The following EPHB2 variants were observed in gnomAD, a reference collection of about 807,000 sequenced individuals.
EPHB2 encodes the protein ephrin type-B receptor 2.
A neutral mutation model predicts 96.4 loss-of-function variants in EPHB2; 18 were observed. The ratio of observed to expected loss-of-function variants is 0.19; its 90% CI spans 0.13 to 0.28. The LOEUF (loss-of-function observed/expected upper bound fraction) is 0.28, where lower values mean the gene tolerates loss of function less well. Among genes scored for constraint, EPHB2 ranks in the 10% least tolerant of loss-of-function variants. The pLI is 1.00. For missense variants in EPHB2, 989 were observed against 1,355.4 expected, an observed-to-expected ratio of 0.73 and a Z score of 4.25; for synonymous variants, 506 against 534.1, an observed-to-expected ratio of 0.95 and a Z score of 0.72.
chr1:22,889,728 G>A (rs963934866), intron 6 of EPHB2, among the ~76,000 whole-genome samples: 63 of 152,162 alleles, frequency 4.1e-4, no homozygotes, highest in African/African-American at 1.5e-3. Context: ...CAAGACAAGT[G>A]AGGAAAGGGT....
At chr1:22,725,297 C>T (rs1643557460) in intron 1 of EPHB2, among the ~76,000 whole-genome samples, 1 of 151,734 alleles carries the variant, frequency 6.6e-6, no homozygotes, top group Admixed American at 6.6e-5. Flanking sequence ...GAATGACGGG[C>T]AGGTTGATGG....
Position 22,875,315 on chromosome 1 carries a change from G to A in EPHB2, c.1304-7044G>A, listed in dbSNP as rs1002725309. ...ATGAGCTGGGAATTCTAAGAGTCCCGTCCCAAGTAAACTGTCCCTGCTACA... is the reference window on the plus strand; with the variant it reads ...ATGAGCTGGGAATTCTAAGAGTCCCATCCCAAGTAAACTGTCCCTGCTACA... On this transcript the variant is annotated intron_variant, in intron 5 of 15. Transcript: ENST00000374630. The surrounding 1 kb of genome is among the most constrained non-coding windows in gnomAD (Gnocchi z 4.2). Among the ~76,000 whole-genome samples the A allele has an allele frequency of 1.3e-5, 2 of 152,266 alleles. No homozygotes were observed. The highest frequency in any genetic ancestry group is 1.9e-4 in the East Asian group (1 of 5,178).
At chr1:22,867,065 T>C (rs1016926266) in intron 5 of EPHB2, among the ~76,000 whole-genome samples, 3 of 152,172 alleles carry the variant, frequency 2.0e-5, no homozygotes, top group African/African-American at 7.2e-5. Flanking sequence ...CAGATGATGC[T>C]CAGACAAGTT....
intron 3 of EPHB2, among the ~76,000 whole-genome samples, chr1:22,821,009 C>T (rs1645145003): frequency 6.6e-6 from 1 of 152,114 alleles, no homozygotes. Context: ...TTTATTCTTC[C>T]CTCAAGTAAA....
Position 22,906,506 on chromosome 1 carries a change from G to A in EPHB2, c.1889-204G>A, listed in dbSNP as rs980154378. ...AGGGATAACCAGAGAACAACCATGAGGAATTTACTGTCCTCTCCCAGAGGT... is the reference window on the plus strand; with the variant it reads ...AGGGATAACCAGAGAACAACCATGAAGAATTTACTGTCCTCTCCCAGAGGT... On this transcript the variant is annotated intron_variant, in intron 10 of 15. Transcript: ENST00000374630. The surrounding 1 kb of genome is among the most constrained non-coding windows in gnomAD (Gnocchi z 4.8). Among the ~76,000 whole-genome samples the A allele has an allele frequency of 6.6e-5, 10 of 152,126 alleles. No homozygotes were observed. Among genetic ancestry groups the A allele is most frequent in the African/African-American group, 2.4e-4 (10 of 41,420 alleles).
At chr1:22,774,114 G>A (rs867797329) in intron 1 of EPHB2, among the ~76,000 whole-genome samples, 3 of 151,990 alleles carry the variant, frequency 2.0e-5, no homozygotes, top group Admixed American at 6.6e-5. Context: ...TGTATGTGGC[G>A]TGCCCTTCCC....
intron 1 of EPHB2, among the ~76,000 whole-genome samples, chr1:22,742,050 C>T (rs1423559678): frequency 6.7e-6 from 1 of 150,164 alleles, no homozygotes; most frequent in East Asian, 2.0e-4. Flanking sequence ...TCGGAAAGAA[C>T]AGCTTGCCCG....
At chr1:22,908,244 C>T in intron 12 of EPHB2, 76 bp downstream of exon 12, 1 of 1,558,676 alleles carries the variant, frequency 6.4e-7, no homozygotes, top group East Asian at 2.3e-5. Context: ...CCCTGCAAGA[C>T]ACTTTCACTA....
At chr1:22,721,657 C>T (rs1643469183) in intron 1 of EPHB2, among the ~76,000 whole-genome samples, 1 of 152,152 alleles carries the variant, frequency 6.6e-6, no homozygotes, top group Non-Finnish European at 1.5e-5. Flanking sequence ...CACTCTGTCT[C>T]ATAGGCTGGA....
intron 3 of EPHB2, among the ~76,000 whole-genome samples, chr1:22,788,644 G>A (rs1026544018): frequency 6.6e-6 from 1 of 152,110 alleles, no homozygotes; most frequent in Non-Finnish European, 1.5e-5. Flanking sequence ...TAAAGTGCAG[G>A]TTTCTGGGTC....
intron 5 of EPHB2, among the ~76,000 whole-genome samples, chr1:22,867,691 G>A (rs1203394282): frequency 6.6e-6 from 1 of 152,112 alleles, no homozygotes; most frequent in African/African-American, 2.4e-5. Context: ...GGAAAACATG[G>A]TGAAACCCCA....
In EPHB2 at chr1:22,808,065, C is replaced by A. The variant is rs553575142; in HGVS notation, c.811+22989C>A. On this transcript the variant is annotated intron_variant, in intron 3 of 15. Coordinates refer to ENST00000374630, the MANE Select transcript of EPHB2 (RefSeq NM_017449.5). The stretch of plus-strand genomic sequence containing the variant: ...AGGAGAATTGCTTGAGCCTGGGAGA[C>A]GGAGGTTGCAGTGAGCCGAGATGGT... 2.8e-3 allele frequency among the ~76,000 whole-genome samples: 419 copies of A among 151,302 alleles called. 7 individuals carry two copies. The highest frequency in any genetic ancestry group is 9.6e-3 in the African/African-American group (393 of 40,882).
At chr1:22,780,574 C>G (rs1178712800) in intron 1 of EPHB2, among the ~76,000 whole-genome samples, 1 of 152,198 alleles carries the variant, frequency 6.6e-6, no homozygotes, top group Non-Finnish European at 1.5e-5. Flanking sequence ...CGAGGGGAAA[C>G]TGAGGGGTCT....
intron 3 of EPHB2, among the ~76,000 whole-genome samples, chr1:22,838,114 G>A (rs1645411581): frequency 6.6e-6 from 1 of 152,176 alleles, no homozygotes; most frequent in South Asian, 2.1e-4. Flanking sequence ...CCGGGGTTTG[G>A]CACTGAAAAA....
At chr1:22,822,956 A>T (rs534625041) in intron 3 of EPHB2, among the ~76,000 whole-genome samples, 15 of 152,348 alleles carry the variant, frequency 9.8e-5, no homozygotes, top group African/African-American at 3.6e-4. Flanking sequence ...TCCAGGAGAC[A>T]GTTTGGCTGT....
At chr1:22,808,995 A>G (rs987587446) in intron 3 of EPHB2, among the ~76,000 whole-genome samples, 2 of 152,284 alleles carry the variant, frequency 1.3e-5, no homozygotes, top group South Asian at 2.1e-4. Flanking sequence ...CTCCCACTCC[A>G]GTGGAGAACA....
intron 1 of EPHB2, among the ~76,000 whole-genome samples, chr1:22,755,376 C>T (rs1644133107): frequency 6.6e-6 from 1 of 152,138 alleles, no homozygotes; most frequent in Non-Finnish European, 1.5e-5. Context: ...ACCGAAAAAA[C>T]ATTTTTAGAT....
rs555328885 is a variant in EPHB2, at chr1:22,825,567, G to A, written c.812-37470G>A. On this transcript the variant is annotated intron_variant, in intron 3 of 15. Transcript: ENST00000374630. ...CACTCCCATCCATAAGTTGGAAGGG[G>A]CAGGAAGAGGGAGAACAAGATGCTC... Among the ~76,000 whole-genome samples, 153 of 152,328 alleles carry A rather than the reference G, an allele frequency of 1.0e-3. 1 individual carries two copies. Among genetic ancestry groups the A allele is most frequent in the African/African-American group, 3.6e-3 (150 of 41,570 alleles).
rs975546177 is a variant in EPHB2, at chr1:22,920,569, G to A, written c.*6999G>A. 1 of 152,416 alleles carries A rather than the reference G, an allele frequency of 6.6e-6. No homozygotes were observed. The highest frequency in any genetic ancestry group is 3.1e-3 in the Middle Eastern group (1 of 318). The allele number at this position is 152,416 out of a possible 1,614,324, so 9.4% of individuals were successfully genotyped here. On this transcript the variant is annotated 3_prime_UTR_variant, in exon 16 of 16. Coordinates refer to ENST00000374630, the MANE Select transcript of EPHB2 (RefSeq NM_017449.5). ...CTAATCTTAGTCACTGCCTTCCAGA[G>A]CTGGGAGGCCACACGGCAGAGGTGC...
Sources: gnomAD v4.1 joint callset for allele counts (sites outside exome capture counted in the v4.1 genomes callset) on GRCh38, gnomAD v4.1.1 for gene constraint, Gnocchi (gnomAD v3.1) non-coding constraint, MANE v1.5 for transcripts, NCBI Gene and HGNC (gene_info 2026-07-23, HGNC 2026-07-21) for gene names.